HTT: variants seen among roughly 807,000 people sequenced by gnomAD.
HTT encodes the protein huntington disease protein.
A neutral mutation model predicts 362.3 loss-of-function variants in HTT; 104 were observed. That is an observed-to-expected ratio of 0.29 (90% confidence interval 0.24 to 0.34). The LOEUF (loss-of-function observed/expected upper bound fraction) is 0.34, where lower values mean the gene tolerates loss of function less well. Among genes scored for constraint, HTT ranks in the 10% least tolerant of loss-of-function variants. The pLI, the probability that HTT is intolerant of heterozygous loss-of-function variation, is 1.00. For missense variants in HTT, 3,301 were observed against 3,928.6 expected, an observed-to-expected ratio of 0.84 and a Z score of 4.27; for synonymous variants, 1,577 against 1,548.7, an observed-to-expected ratio of 1.02 and a Z score of -0.43.
chr4:3,238,999 G>C (rs769312671), intron 66 of HTT, 21 bp downstream of exon 66: 2 of 1,589,468 alleles, frequency 1.3e-6, no homozygotes, highest in South Asian at 1.1e-5. Flanking sequence ...TGGGTCCCTG[G>C]TGCTGGCCCC....
Position 3,196,543 on chromosome 4 carries a change from G to A in HTT, c.5369-3189G>A, listed in dbSNP as rs149024171. Among the ~76,000 whole-genome samples the A allele has an allele frequency of 1.6e-3, 243 of 152,258 alleles. 2 individuals carry two copies. Among genetic ancestry groups the A allele is most frequent in the Admixed American group, 2.9e-3 (45 of 15,294 alleles). On this transcript the variant is annotated intron_variant, in intron 40 of 66. Coordinates refer to ENST00000355072, the MANE Select transcript of HTT (RefSeq NM_001388492.1). ...GCTTGAGCCCAGGAGTTTGAGATTA[G>A]CCTGAGCAACATGTTGAAATCCTGT...
chr4:3,075,647 C>CGGGGGGGGGGGGGGGGGGTGGGGGGGG (rs1560535774), intron 1 of HTT, among the ~76,000 whole-genome samples: 1 of 61,682 alleles, frequency 1.6e-5, no homozygotes, highest in Non-Finnish European at 2.9e-5. Context: ...AGTGGCGGGG[C>CGGGGGGGGGGGGGGGGGGTGGGGGGGG]AGGGGGGGGG....
chr4:3,181,391 A>G (rs1291287065), intron 36 of HTT, among the ~76,000 whole-genome samples: 1 of 152,182 alleles, frequency 6.6e-6, no homozygotes, highest in Non-Finnish European at 1.5e-5. Flanking sequence ...ATTTACCACT[A>G]TTTTGACATA....
chr4:3,175,160 T>C, intron 33 of HTT, 53 bp downstream of exon 33: 1 of 1,503,322 alleles, frequency 6.7e-7, no homozygotes, highest in Non-Finnish European at 9.1e-7. Context: ...TTAGTACAAA[T>C]TACCCTAAAA....
At chr4:3,183,078 C>A (rs899139843) in intron 37 of HTT, among the ~76,000 whole-genome samples, 8 of 152,196 alleles carry the variant, frequency 5.3e-5, no homozygotes, top group Non-Finnish European at 1.2e-4. Context: ...GATGAGGTCT[C>A]GCTGTGTTGC....
intron 10 of HTT, among the ~76,000 whole-genome samples, chr4:3,124,136 A>G (rs1233669761): frequency 6.6e-6 from 1 of 152,262 alleles, no homozygotes; most frequent in Non-Finnish European, 1.5e-5. Context: ...GATTTTAGTG[A>G]AACATTGTTT....
chr4:3,120,703 T>A lies in HTT; in HGVS notation c.1069-525T>A, dbSNP rs546928933. Among the ~76,000 whole-genome samples, 12 of 152,346 alleles carry A rather than the reference T, an allele frequency of 7.9e-5. No individual in the cohort carries two copies. The East Asian group carries it at 1.5e-3, about 20-fold the overall frequency. On this transcript the variant is annotated intron_variant, in intron 8 of 66. Coordinates refer to ENST00000355072, the MANE Select transcript of HTT (RefSeq NM_001388492.1). ...CCTGATGATCTGAGGTGGAACAGTC[T>A]CGTCTTGAAACCATCCCCTGGCCCT... is the stretch of plus-strand genomic sequence containing the variant.
At chr4:3,212,281 G>A in intron 48 of HTT, 139 bp downstream of exon 48, 1 of 735,510 alleles carries the variant, frequency 1.4e-6, no homozygotes, top group South Asian at 1.9e-5. Flanking sequence ...AGAGCAGCAC[G>A]GGTGTCCTCG....
At chr4:3,169,128 C>T (rs887778590) in intron 29 of HTT, among the ~76,000 whole-genome samples, 5 of 151,778 alleles carry the variant, frequency 3.3e-5, no homozygotes, top group Non-Finnish European at 7.4e-5. Flanking sequence ...ACGCCATTCT[C>T]CTGCCTCAGC....
At chr4:3,077,862 T>G (rs1712647986) in intron 1 of HTT, among the ~76,000 whole-genome samples, 1 of 149,842 alleles carries the variant, frequency 6.7e-6, no homozygotes, top group Non-Finnish European at 1.5e-5. Flanking sequence ...ATTCACTAAT[T>G]TTGAGTAACA....
chr4:3,230,588 T>A (rs1342095048), intron 60 of HTT, among the ~76,000 whole-genome samples: 1 of 152,224 alleles, frequency 6.6e-6, no homozygotes, highest in East Asian at 1.9e-4. Context: ...TACCACAAGT[T>A]ACCTTAGACT....
At position 3,181,918 on chromosome 4, in the gene HTT, C is replaced by T. The variant is rs150564691; in HGVS notation, c.4750-436C>T. ...ATACCTCTGGGAAGCAGGTGCTCTT[C>T]AGTAGATTGCCTCTGCAGAGAACAC... On this transcript the variant is annotated intron_variant, in intron 36 of 66. Transcript: ENST00000355072. 1.7e-3 allele frequency among the ~76,000 whole-genome samples: 255 copies of T among 152,288 alleles called. 2 individuals carry two copies. Among genetic ancestry groups the T allele is most frequent in the Admixed American group, 3.0e-3 (46 of 15,300 alleles).
At chr4:3,230,549 T>C (rs1414402877) in intron 60 of HTT, among the ~76,000 whole-genome samples, 1 of 152,188 alleles carries the variant, frequency 6.6e-6, no homozygotes, top group African/African-American at 2.4e-5. Flanking sequence ...CTTTTTAGCG[T>C]GGTGGTTGTC....
chr4:3,098,357 TAAAG>T (rs1713971653), intron 2 of HTT, among the ~76,000 whole-genome samples: 1 of 152,224 alleles, frequency 6.6e-6, no homozygotes, highest in Admixed American at 6.5e-5. Flanking sequence ...TACCTAGAGA[TAAAG>T]AGAAAGAGAC....
At chr4:3,202,397 C>T (rs1026901286) in intron 41 of HTT, among the ~76,000 whole-genome samples, 3 of 152,144 alleles carry the variant, frequency 2.0e-5, no homozygotes, top group African/African-American at 7.2e-5. Flanking sequence ...AGGCTCATTA[C>T]CCTATAGCTG....
At chr4:3,135,265 G>C (rs1365437771) in intron 19 of HTT, among the ~76,000 whole-genome samples, 1 of 151,714 alleles carries the variant, frequency 6.6e-6, no homozygotes, top group Non-Finnish European at 1.5e-5. Flanking sequence ...TGTGGTTGCA[G>C]TGAGCCAAGA....
At position 3,236,218 on chromosome 4, in the gene HTT, T is replaced by C; in HGVS notation, c.8855T>C (p.Ile2952Thr). The C allele has an allele frequency of 6.2e-7, 1 of 1,614,048 alleles. No homozygotes were observed. The highest frequency in any genetic ancestry group is 8.5e-7 in the Non-Finnish European group (1 of 1,179,846). ...GCAGCCCCCGACAGCGAGTCAGTGA[T>C]TGTTGCTATGGAGCGGGTATCTGTT... ...NPAAPDSESV[I>T]VAMERVSVLF... Residue 2952 changes from isoleucine (I) to threonine (T), a missense_variant, in exon 64 of 67, where the codon ATT becomes ACT. Ile to Thr is a moderately conservative substitution (Grantham distance 89). Transcript: ENST00000355072.
Position 3,157,155 on chromosome 4 carries a change from C to A in HTT, c.3709C>A (p.Leu1237Ile), listed in dbSNP as rs188342053. Reference sequence around the variant, plus strand: ...GAGTTTCTATCATCTTCCTTCATACCTCAAACTGCATGATGTCCTGAAAGC... The same window carrying A: ...GAGTTTCTATCATCTTCCTTCATACATCAAACTGCATGATGTCCTGAAAGC... The part of the protein sequence containing the change: ...LGSFYHLPSY[L>I]KLHDVLKATH... The change falls in exon 28 of 67, where the codon CTC becomes ATC. Residue 1237 changes from leucine to isoleucine, a missense_variant. By Grantham distance (5) the Leu-to-Ile change is conservative. Transcript: ENST00000355072. The A allele has an allele frequency of 3.5e-5, 56 of 1,613,664 alleles. No homozygotes were observed. In the Middle Eastern group the frequency reaches 1.2e-3, roughly 33 times the overall value.
intron 21 of HTT, among the ~76,000 whole-genome samples, chr4:3,139,191 A>G (rs1016451569): frequency 6.6e-6 from 1 of 152,090 alleles, no homozygotes; most frequent in Non-Finnish European, 1.5e-5. Flanking sequence ...AATGATAGCA[A>G]CTTCTTTTTG....
Sources: gnomAD v4.1 joint callset for allele counts (sites outside exome capture counted in the v4.1 genomes callset) on GRCh38, gnomAD v4.1.1 for gene constraint, MANE v1.5 for transcripts, NCBI Gene and HGNC (gene_info 2026-07-23, HGNC 2026-07-21) for gene names.